KLHL26: variants seen among roughly 807,000 people sequenced by gnomAD.
KLHL26 encodes the protein kelch-like protein 26.
In KLHL26, 4 loss-of-function variants were observed where a neutral mutation model predicts 7.1. The observed-to-expected ratio is 0.56, with a 90% CI of 0.28 to 1.28. The LOEUF (loss-of-function observed/expected upper bound fraction) is 1.28. Among genes scored for constraint, KLHL26 ranks in the 50% most tolerant of loss-of-function variants. KLHL26 has a pLI of 0.11. For synonymous variants in KLHL26, 465 were observed against 414.1 expected (o/e 1.12, Z -1.49); for missense variants, 896 against 924.6 (o/e 0.97, Z 0.40).
chr19:18,664,438 C>T lies in KLHL26; in HGVS notation c.261C>T (p.Tyr87=), dbSNP rs1452983503. 6.3e-7 allele frequency: 1 copy of T among 1,578,364 alleles called. No homozygotes were observed. Among genetic ancestry groups the T allele is most frequent in the Non-Finnish European group, 8.6e-7 (1 of 1,161,930 alleles). Residue 87 remains tyrosine (Y), a synonymous_variant, in exon 2 of 3, where the codon TAC becomes TAT. Transcript: ENST00000300976. ...TCGTCCTGGCTGCCTGCAGCGACTACTTCAGGTAAGTGCTGGCCCCAGGCA... is the reference window on the plus strand; with the variant it reads ...TCGTCCTGGCTGCCTGCAGCGACTATTTCAGGTAAGTGCTGGCCCCAGGCA... ...HKVVLAACSD[Y]FRAMFTGGMR...
In KLHL26 at chr19:18,667,770, G is replaced by C. The variant is rs760591544; in HGVS notation, c.373G>C (p.Glu125Gln). The C allele has an allele frequency of 2.3e-5, 37 of 1,613,244 alleles. No individual in the cohort carries two copies. Among genetic ancestry groups the C allele is most frequent in the Non-Finnish European group, 3.0e-5 (35 of 1,180,008 alleles). ...RHIIDFAYSAEVTLDLDCVQD... is the reference protein window; with the variant it reads ...RHIIDFAYSAQVTLDLDCVQD... ...CATCATCGACTTCGCCTACAGCGCC[G>C]AGGTGACACTGGACCTGGACTGCGT... The change falls in exon 3 of 3, where the codon GAG becomes CAG. Residue 125 changes from glutamate (E) to glutamine (Q), a missense_variant. Transcript: ENST00000300976.
chr19:18,669,590 T>G lies in KLHL26; in HGVS notation c.*345T>G, dbSNP rs1474118836. The G allele has an allele frequency of 2.0e-6, 1 of 500,318 alleles. No individual in the cohort carries two copies. Among genetic ancestry groups the G allele is most frequent in the Non-Finnish European group, 3.5e-6 (1 of 284,308 alleles). 31.0% of individuals were successfully genotyped at this position (500,318 alleles called of 1,614,324 possible). A position where few individuals can be genotyped will look rare whatever the true frequency, so the allele number is the denominator to read the frequency against. On this transcript the variant is annotated 3_prime_UTR_variant, in exon 3 of 3. Coordinates refer to ENST00000300976, the MANE Select transcript of KLHL26 (RefSeq NM_018316.3). ...TCCCTGTGCAGCTCCATCTCACTTC[T>G]CTACTGCCTCCCAGCCCCACGGTTT... is the stretch of plus-strand genomic sequence containing the variant.
chr19:18,668,230 G>A lies in KLHL26; in HGVS notation c.833G>A (p.Arg278His), dbSNP rs143852465. Reference sequence around the variant, plus strand: ...ATCATGGTGGAGGACGTGCTGTGCCGCCAGTATCTGCTGGAGGCCTTCAAC... The same window carrying A: ...ATCATGGTGGAGGACGTGCTGTGCCACCAGTATCTGCTGGAGGCCTTCAAC... ...LDIMVEDVLCRQYLLEAFNYQ... is the reference protein window; with the variant it reads ...LDIMVEDVLCHQYLLEAFNYQ... The change falls in exon 3 of 3, where the codon CGC (arginine) becomes CAC (histidine). Residue 278 changes from arginine to histidine, a missense_variant. Physicochemically the swap from Arg to His is conservative, Grantham distance 29. Transcript: ENST00000300976. The A allele has an allele frequency of 4.3e-6, 7 of 1,612,022 alleles. No homozygotes were observed. The highest frequency in any genetic ancestry group is 4.0e-5 in the African/African-American group (3 of 75,042).
intron 1 of KLHL26, among the ~76,000 whole-genome samples, chr19:18,663,269 G>A (rs573558263): frequency 5.9e-5 from 9 of 152,304 alleles, no homozygotes; most frequent in Non-Finnish European, 1.0e-4. Context: ...TGGCCCTGAA[G>A]CCCCTCTCCC....
At position 18,668,647 on chromosome 19, in the gene KLHL26, C is replaced by T. The variant is rs1399659989; in HGVS notation, c.1250C>T (p.Ala417Val). Residue 417 changes from alanine to valine, a missense_variant, in exon 3 of 3, where the codon GCC becomes GTC. Physicochemically the swap from Ala to Val is moderately conservative, Grantham distance 64 (BLOSUM62 0). Transcript: ENST00000300976. ...QLNVLCGMVY[A>V]TGGRNRAGSL... is the part of the protein sequence containing the mutation. Reference sequence around the variant, plus strand: ...AACGTGCTGTGCGGCATGGTGTACGCCACGGGCGGCCGCAACCGAGCCGGC... The same window carrying T: ...AACGTGCTGTGCGGCATGGTGTACGTCACGGGCGGCCGCAACCGAGCCGGC... 2 of 1,568,056 alleles carry T rather than the reference C, an allele frequency of 1.3e-6. No homozygotes were observed. The highest frequency in any genetic ancestry group is 1.4e-5 in the African/African-American group (1 of 74,024).
At chr19:18,662,440 G>A (rs772272233) in intron 1 of KLHL26, among the ~76,000 whole-genome samples, 12 of 152,200 alleles carry the variant, frequency 7.9e-5, no homozygotes, top group Non-Finnish European at 1.5e-4. Context: ...CCTGGACCGC[G>A]TGCCCATGAG....
intron 2 of KLHL26, among the ~76,000 whole-genome samples, chr19:18,666,062 T>C (rs1302508853): frequency 6.6e-6 from 1 of 152,136 alleles, no homozygotes; most frequent in Non-Finnish European, 1.5e-5. Context: ...AGCGAGACCT[T>C]AAAAGGCAAA....
rs563044548 is a variant in KLHL26 at position 18,660,862 on chromosome 19, G to A, written c.84-3399G>A. Among the ~76,000 whole-genome samples, 908 of 152,288 alleles carry A rather than the reference G, an allele frequency of 6.0e-3. 7 individuals carry two copies. The highest frequency in any genetic ancestry group is 0.011 in the Non-Finnish European group (721 of 67,994). The stretch of plus-strand genomic sequence containing the variant: ...ATGTGGAACGCGTCAGGCATCACCA[G>A]GGCATGAGGAGGAGGCCTGGGGAGG... On this transcript the variant is annotated intron_variant, in intron 1 of 2. Coordinates refer to ENST00000300976, the MANE Select transcript of KLHL26 (RefSeq NM_018316.3).
chr19:18,652,344 C>T (rs544361018), intron 1 of KLHL26, among the ~76,000 whole-genome samples: 2 of 152,208 alleles, frequency 1.3e-5, no homozygotes, highest in Admixed American at 1.3e-4. Flanking sequence ...AATCCCAGCA[C>T]TTTGGGAGGC....
Position 18,668,657 on chromosome 19 carries a change from C to G in KLHL26, c.1260C>G (p.Gly420=). 1 of 1,567,004 alleles carries G rather than the reference C, an allele frequency of 6.4e-7. No homozygotes were observed. The highest frequency in any genetic ancestry group is 8.6e-7 in the Non-Finnish European group (1 of 1,161,312). ...VLCGMVYATG[G]RNRAGSLASV... ...GCGGCATGGTGTACGCCACGGGCGG[C>G]CGCAACCGAGCCGGCAGCCTGGCCT... Residue 420 remains glycine, a synonymous_variant, in exon 3 of 3, where the codon GGC becomes GGG. Coordinates refer to ENST00000300976, the MANE Select transcript of KLHL26 (RefSeq NM_018316.3).
At chr19:18,638,990 C>T (rs759559088) in intron 1 of KLHL26, among the ~76,000 whole-genome samples, 6 of 152,160 alleles carry the variant, frequency 3.9e-5, no homozygotes, top group Non-Finnish European at 7.3e-5. Flanking sequence ...TGTGAGCCAC[C>T]ATGCTGGGCA....
chr19:18,647,566 AGGAGGAGGAGATGAGAG>A (rs1976826760), intron 1 of KLHL26, among the ~76,000 whole-genome samples: 1 of 151,252 alleles, frequency 6.6e-6, no homozygotes, highest in Admixed American at 6.6e-5. Flanking sequence ...GTGGAGGAAG[AGGAGGAGGAGATGAGAG>A]GGAGGAGGAG....
At chr19:18,647,972 A>T (rs1435454654) in intron 1 of KLHL26, among the ~76,000 whole-genome samples, 1 of 152,184 alleles carries the variant, frequency 6.6e-6, no homozygotes, top group East Asian at 1.9e-4. Flanking sequence ...ACATGCCAGC[A>T]GGAGTTAGAG....
rs988064251 is a variant in KLHL26, at chr19:18,640,578, A to G, written c.83+3441A>G. ...TTTTTTTTTTTTTTTTTTTTTTTTG[A>G]GATGGAGTCTCTCTCTGTTGCCCAG... On this transcript the variant is annotated intron_variant, in intron 1 of 2. Coordinates refer to ENST00000300976, the MANE Select transcript of KLHL26 (RefSeq NM_018316.3). Among the ~76,000 whole-genome samples, 42 of 74,568 alleles carry G rather than the reference A, an allele frequency of 5.6e-4. 1 individual carries two copies. The highest frequency in any genetic ancestry group is 9.4e-5 in the Non-Finnish European group (4 of 42,388). The allele number at this position is 74,568 out of a possible 152,430, so 48.9% of individuals were successfully genotyped here. A position where few individuals can be genotyped will look rare whatever the true frequency, so the allele number is the denominator to read the frequency against.
intron 1 of KLHL26, among the ~76,000 whole-genome samples, chr19:18,639,355 C>T (rs4808146): frequency 0.39 from 57,392 of 147,102 alleles, 11,716 homozygotes; most frequent in East Asian, 0.53. Context: ...GGATTACAGG[C>T]GTGAACTACT....
At chr19:18,658,804 T>C (rs2052361666) in intron 1 of KLHL26, among the ~76,000 whole-genome samples, 1 of 140,214 alleles carries the variant, frequency 7.1e-6, no homozygotes, top group Non-Finnish European at 1.5e-5. Flanking sequence ...TGGGTTTTTT[T>C]CTCCTCTTGC....
intron 1 of KLHL26, among the ~76,000 whole-genome samples, chr19:18,662,429 G>T (rs1300680976): frequency 6.6e-6 from 1 of 152,174 alleles, no homozygotes; most frequent in Non-Finnish European, 1.5e-5. Flanking sequence ...GGTCCCCATT[G>T]CCTGGACCGC....
chr19:18,638,502 G>A (rs1028441005), intron 1 of KLHL26, among the ~76,000 whole-genome samples: 1 of 152,158 alleles, frequency 6.6e-6, no homozygotes, highest in Non-Finnish European at 1.5e-5. Context: ...AGCCTCCTGG[G>A]GTAGGTGTGG....
In KLHL26 at chr19:18,648,998, A is replaced by AC. The variant is rs199828160; in HGVS notation, c.83+11862dup. 0.017 allele frequency among the ~76,000 whole-genome samples: 2,532 copies of AC among 152,078 alleles called. 32 individuals carry two copies. The highest frequency in any genetic ancestry group is 0.049 in the South Asian group (234 of 4,810). ...CTCCCTCACTCTCAGAACAAAATCT[A>AC]CTTCTTGATGTGACCCGCTGGGCCC... On this transcript the variant is annotated intron_variant, in intron 1 of 2. Coordinates refer to ENST00000300976, the MANE Select transcript of KLHL26 (RefSeq NM_018316.3). This position sits in a 1 kb window ranked among gnomAD's most constrained non-coding sequence, Gnocchi z 4.9.
Sources: gnomAD v4.1 joint callset for allele counts (sites outside exome capture counted in the v4.1 genomes callset) on GRCh38, gnomAD v4.1.1 for gene constraint, Gnocchi (gnomAD v3.1) non-coding constraint, MANE v1.5 for transcripts, NCBI Gene and HGNC (gene_info 2026-07-23, HGNC 2026-07-21) for gene names.